The following TENT5D variants were observed in gnomAD, a reference collection of about 807,000 sequenced individuals.
TENT5D encodes the protein cancer/testis antigen 112.
For synonymous variants in TENT5D, 103 were observed against 100.6 expected (o/e 1.02, Z -0.15); for missense variants, 191 against 287.0 (o/e 0.67, Z 2.42).
chrX:80,437,322 T>C (rs1409192435), intron 1 of TENT5D, among the ~76,000 whole-genome samples: 2 of 112,013 alleles, frequency 1.8e-5, no homozygotes, highest in Non-Finnish European at 3.8e-5. Context: ...TCAAAATCAG[T>C]ATTTTATTTA....
chrX:80,363,379 G>A (rs1359445915), intron 3 of TENT5D, among the ~76,000 whole-genome samples: 1 of 111,397 alleles, frequency 9.0e-6, no homozygotes, highest in Non-Finnish European at 1.9e-5. Flanking sequence ...CATTTTATGA[G>A]TATATCCAGG....
chrX:80,398,916 A>G (rs1178660312), intron 3 of TENT5D, among the ~76,000 whole-genome samples: 1 of 111,638 alleles, frequency 9.0e-6, no homozygotes, highest in Non-Finnish European at 1.9e-5. Flanking sequence ...AAAAATAACA[A>G]CGTTGCATGT....
At chrX:80,377,160 A>T (rs1357256061) in intron 3 of TENT5D, among the ~76,000 whole-genome samples, 1 of 111,840 alleles carries the variant, frequency 8.9e-6, no homozygotes, top group African/African-American at 3.3e-5. Flanking sequence ...TCATATACTT[A>T]CCCAAACTTA....
chrX:80,343,982 G>A (rs965260505), intron 3 of TENT5D, among the ~76,000 whole-genome samples: 2 of 110,046 alleles, frequency 1.8e-5, no homozygotes, highest in African/African-American at 3.3e-5. Flanking sequence ...CCCTGGTGTC[G>A]GTTTTTCCCC....
chrX:80,434,066 G>A (rs1206743000), intron 1 of TENT5D, among the ~76,000 whole-genome samples: 1 of 109,372 alleles, frequency 9.1e-6, no homozygotes, highest in Non-Finnish European at 1.9e-5. Context: ...GAACCTGGGA[G>A]GTGGAGGTCA....
chrX:80,378,593 G>A (rs1452537730), intron 3 of TENT5D, among the ~76,000 whole-genome samples: 1 of 111,032 alleles, frequency 9.0e-6, no homozygotes, highest in Non-Finnish European at 1.9e-5. Context: ...GGCTGTAGAT[G>A]TCTGGTGTTA....
intron 3 of TENT5D, among the ~76,000 whole-genome samples, chrX:80,374,857 A>G (rs1011710401): frequency 2.7e-5 from 3 of 111,298 alleles, no homozygotes; most frequent in African/African-American, 9.8e-5. Flanking sequence ...CTGGTTAAGC[A>G]TCCTAAATCT....
At chrX:80,384,645 G>T (rs1930952300) in intron 3 of TENT5D, among the ~76,000 whole-genome samples, 1 of 101,070 alleles carries the variant, frequency 9.9e-6, no homozygotes, top group South Asian at 5.0e-4. Flanking sequence ...GTCCCTGTTT[G>T]CATATGACAT....
intron 3 of TENT5D, among the ~76,000 whole-genome samples, chrX:80,412,649 G>T (rs945396374): frequency 3.6e-5 from 4 of 111,631 alleles, no homozygotes; most frequent in African/African-American, 1.3e-4. Flanking sequence ...AATGCTGCCA[G>T]TCACTTTGCT....
intron 3 of TENT5D, among the ~76,000 whole-genome samples, chrX:80,352,762 TAG>T (rs1360323732): frequency 7.5e-5 from 8 of 107,277 alleles, no homozygotes; most frequent in Non-Finnish European, 1.2e-4. Flanking sequence ...GCAGCTAGCT[TAG>T]TGTCTGCCTG....
At chrX:80,382,713 C>CG (rs1471561581) in intron 3 of TENT5D, among the ~76,000 whole-genome samples, 1 of 109,885 alleles carries the variant, frequency 9.1e-6, no homozygotes, top group Non-Finnish European at 1.9e-5. Flanking sequence ...CGCCCCCCCC[C>CG]CACTGCCAGG....
At position 80,411,053 on chromosome X, in the gene TENT5D, A is replaced by T. The variant is rs780000959; in HGVS notation, c.-141-27557A>T. On this transcript the variant is annotated intron_variant, in intron 3 of 4. Coordinates refer to the TENT5D transcript ENST00000538312. Reference sequence around the variant, plus strand: ...GGTGGGAATTGAACAATGAGAACACATGGACACAGGAAGGGGAACATCACA... The same window carrying T: ...GGTGGGAATTGAACAATGAGAACACTTGGACACAGGAAGGGGAACATCACA... Among the ~76,000 whole-genome samples the T allele has an allele frequency of 2.6e-3, 234 of 90,210 alleles. 1 individual carries two copies. Among genetic ancestry groups the T allele is most frequent in the African/African-American group, 9.0e-3 (213 of 23,634 alleles). 78.3% of individuals were successfully genotyped at this position (90,210 alleles called of 115,157 possible). A position where few individuals can be genotyped will look rare whatever the true frequency, so the allele number is the denominator to read the frequency against.
chrX:80,395,132 T>C (rs1931216618), intron 3 of TENT5D, among the ~76,000 whole-genome samples: 1 of 112,155 alleles, frequency 8.9e-6, no homozygotes, highest in Admixed American at 9.4e-5. Context: ...TTTCTTTCTG[T>C]GTCTGGCTTA....
chrX:80,350,559 G>A (rs1202299781), intron 3 of TENT5D, among the ~76,000 whole-genome samples: 1 of 110,800 alleles, frequency 9.0e-6, no homozygotes, highest in Non-Finnish European at 1.9e-5. Flanking sequence ...CGTGAGATGG[G>A]TCTCCTGAAT....
intron 1 of TENT5D, among the ~76,000 whole-genome samples, chrX:80,421,186 T>A (rs2147559612): frequency 9.0e-6 from 1 of 111,143 alleles, no homozygotes; most frequent in Non-Finnish European, 1.9e-5. Context: ...GTATAGTTTT[T>A]GTTTGTTTGT....
chrX:80,397,024 G>C (rs762312531), intron 3 of TENT5D, among the ~76,000 whole-genome samples: 13 of 97,339 alleles, frequency 1.3e-4, no homozygotes, highest in Admixed American at 2.2e-4. Context: ...CTGGCCGGGG[G>C]GGGGGCTGAC....
intron 3 of TENT5D, among the ~76,000 whole-genome samples, chrX:80,397,512 A>C (rs1265192212): frequency 9.0e-6 from 1 of 111,608 alleles, no homozygotes; most frequent in East Asian, 2.9e-4. Context: ...GACGCTCCTC[A>C]CTTCCCAGAC....
chrX:80,416,817 A>G (rs898758295), upstream of TENT5D, among the ~76,000 whole-genome samples: 5 of 111,038 alleles, frequency 4.5e-5, no homozygotes, highest in Non-Finnish European at 5.7e-5. Flanking sequence ...TATTAGGTCA[A>G]TTTGGTCAGG....
intron 3 of TENT5D, among the ~76,000 whole-genome samples, chrX:80,351,085 T>A (rs1340565957): frequency 1.8e-5 from 2 of 111,320 alleles, no homozygotes; most frequent in Non-Finnish European, 3.8e-5. Context: ...ATTTTTTCCT[T>A]CATTTCAACC....
Sources: gnomAD v4.1 joint callset for allele counts (sites outside exome capture counted in the v4.1 genomes callset) on GRCh38, gnomAD v4.1.1 for gene constraint, MANE v1.5 for transcripts, NCBI Gene and HGNC (gene_info 2026-07-23, HGNC 2026-07-21) for gene names.